LRP1B: variants seen among roughly 807,000 people sequenced by gnomAD.
LRP1B encodes LDL receptor related protein 1B.
In LRP1B, 217 loss-of-function variants were observed where a neutral mutation model predicts 556.6. That is an observed-to-expected ratio of 0.39 (90% confidence interval 0.35 to 0.44). LRP1B has a LOEUF of 0.44. Among genes scored for constraint, LRP1B ranks in the 20% least tolerant of loss-of-function variants. LRP1B has a pLI of 1.00. For synonymous variants in LRP1B, 2,047 were observed against 1,865.8 expected (o/e 1.10, Z -2.50); for missense variants, 5,053 against 5,620.8 (o/e 0.90, Z 3.23).
At chr2:141,609,390 A>T (rs1317993900) in intron 2 of LRP1B, among the ~76,000 whole-genome samples, 1 of 150,854 alleles carries the variant, frequency 6.6e-6, no homozygotes, top group African/African-American at 2.5e-5. Flanking sequence ...GCTGTCTACT[A>T]ATTATCAGTA....
At chr2:142,036,079 C>A (rs1371315280) in intron 1 of LRP1B, among the ~76,000 whole-genome samples, 1 of 151,702 alleles carries the variant, frequency 6.6e-6, no homozygotes, top group Non-Finnish European at 1.5e-5. Context: ...TTTCTCTTCC[C>A]AGTCTTAGGT....
intron 3 of LRP1B, among the ~76,000 whole-genome samples, chr2:141,452,342 C>A (rs1681452121): frequency 6.6e-6 from 1 of 152,130 alleles, no homozygotes; most frequent in Admixed American, 6.6e-5. Context: ...TGATACAATG[C>A]TGAATATTGG....
chr2:141,925,588 T>C (rs1328204214), intron 1 of LRP1B, among the ~76,000 whole-genome samples: 1 of 152,220 alleles, frequency 6.6e-6, no homozygotes, highest in Non-Finnish European at 1.5e-5. Context: ...GTCCTGGAAA[T>C]GACCCTGGTT....
chr2:141,534,300 G>A (rs1485272543), intron 2 of LRP1B, among the ~76,000 whole-genome samples: 2 of 152,120 alleles, frequency 1.3e-5, no homozygotes, highest in African/African-American at 2.4e-5. Flanking sequence ...TAGCTACATT[G>A]AAAATTATTT....
chr2:141,681,497 A>T (rs1558800989), intron 2 of LRP1B, among the ~76,000 whole-genome samples: 1 of 151,754 alleles, frequency 6.6e-6, no homozygotes. Flanking sequence ...TCAATAATTT[A>T]TTTTTTTCCT....
At chr2:142,022,134 G>A (rs1703347100) in intron 1 of LRP1B, among the ~76,000 whole-genome samples, 1 of 152,062 alleles carries the variant, frequency 6.6e-6, no homozygotes. Context: ...GGAATATAAT[G>A]AGAGTTCACT....
At chr2:141,776,682 C>CT (rs946302999) in intron 2 of LRP1B, among the ~76,000 whole-genome samples, 1 of 152,154 alleles carries the variant, frequency 6.6e-6, no homozygotes, top group Non-Finnish European at 1.5e-5. Flanking sequence ...AAATTTGACA[C>CT]TTACTAGCTA....
chr2:141,564,284 G>C (rs1013116671), intron 2 of LRP1B, among the ~76,000 whole-genome samples: 1 of 152,080 alleles, frequency 6.6e-6, no homozygotes, highest in Non-Finnish European at 1.5e-5. Flanking sequence ...AAGAATGAGG[G>C]TTAAGGAGTT....
chr2:142,041,922 T>G (rs773698686), intron 1 of LRP1B, among the ~76,000 whole-genome samples: 14 of 151,538 alleles, frequency 9.2e-5, no homozygotes, highest in Non-Finnish European at 1.6e-4. Flanking sequence ...GAACCTGAAT[T>G]AAAAGTAGTC....
At chr2:140,393,132 G>A (rs1684097687) in intron 66 of LRP1B, among the ~76,000 whole-genome samples, 1 of 141,520 alleles carries the variant, frequency 7.1e-6, no homozygotes, top group South Asian at 2.3e-4. Flanking sequence ...TGGAGTCTAA[G>A]TTTCCCATTC....
chr2:141,709,900 T>C (rs1692294399), intron 2 of LRP1B, among the ~76,000 whole-genome samples: 1 of 152,160 alleles, frequency 6.6e-6, no homozygotes, highest in Non-Finnish European at 1.5e-5. Flanking sequence ...ATCAAGATAC[T>C]GGCAGAGTCA....
intron 49 of LRP1B, among the ~76,000 whole-genome samples, chr2:140,517,379 G>A (rs1013478150): frequency 6.6e-6 from 1 of 152,060 alleles, no homozygotes; most frequent in African/African-American, 2.4e-5. Context: ...AATAATATTT[G>A]GGTGGAAAAT....
intron 7 of LRP1B, among the ~76,000 whole-genome samples, chr2:141,075,362 T>G (rs1574048279): frequency 6.6e-6 from 1 of 152,194 alleles, no homozygotes; most frequent in Admixed American, 6.5e-5. Context: ...ACATACTATA[T>G]TTTAACTTAG....
intron 84 of LRP1B, among the ~76,000 whole-genome samples, chr2:140,276,044 T>C (rs1260977613): frequency 6.6e-6 from 1 of 151,992 alleles, no homozygotes; most frequent in East Asian, 1.9e-4. Flanking sequence ...AAATAATTGA[T>C]TAAATTGATT....
intron 1 of LRP1B, among the ~76,000 whole-genome samples, chr2:142,033,285 G>C (rs1054498444): frequency 1.3e-5 from 2 of 151,580 alleles, no homozygotes; most frequent in Non-Finnish European, 3.0e-5. Flanking sequence ...CATTACCCCA[G>C]AAAATGAATA....
At chr2:141,731,781 A>C (rs1415097738) in intron 2 of LRP1B, among the ~76,000 whole-genome samples, 2 of 152,144 alleles carry the variant, frequency 1.3e-5, no homozygotes, top group African/African-American at 4.8e-5. Context: ...TGTGGACACT[A>C]ACCTCATTAG....
intron 35 of LRP1B, among the ~76,000 whole-genome samples, chr2:140,767,523 T>C (rs992133432): frequency 1.3e-5 from 2 of 151,968 alleles, no homozygotes; most frequent in African/African-American, 2.4e-5. Context: ...AGGGCCAATG[T>C]AAACTTTGGA....
chr2:141,474,041 T>TCCC (rs1682601589), intron 3 of LRP1B, among the ~76,000 whole-genome samples: 3 of 120,880 alleles, frequency 2.5e-5, no homozygotes, highest in African/African-American at 7.5e-5. Context: ...CCTTCCTTCC[T>TCCC]TCCTTTCCTT....
chr2:141,551,144 T>C (rs1005626906), intron 2 of LRP1B, among the ~76,000 whole-genome samples: 7 of 152,064 alleles, frequency 4.6e-5, no homozygotes, highest in Non-Finnish European at 8.8e-5. Flanking sequence ...AAATATTACA[T>C]AGATGTGTAT....
Sources: gnomAD v4.1 joint callset for allele counts (sites outside exome capture counted in the v4.1 genomes callset) on GRCh38, gnomAD v4.1.1 for gene constraint, MANE v1.5 for transcripts, NCBI Gene and HGNC (gene_info 2026-07-23, HGNC 2026-07-21) for gene names.